ROBO2: variants seen among roughly 807,000 people sequenced by gnomAD.
The protein encoded by ROBO2 is roundabout guidance receptor 2.
A neutral mutation model predicts 160.8 loss-of-function variants in ROBO2; 53 were observed. The ratio of observed to expected loss-of-function variants is 0.33; its 90% CI spans 0.26 to 0.41. ROBO2 has a LOEUF of 0.41. Among genes scored for constraint, ROBO2 ranks in the 10% least tolerant of loss-of-function variants. The pLI is 1.00. For missense variants in ROBO2, 1,577 were observed against 1,722.4 expected, an observed-to-expected ratio of 0.92 and a Z score of 1.49; for synonymous variants, 664 against 611.7, an observed-to-expected ratio of 1.09 and a Z score of -1.26.
intron 2 of ROBO2, among the ~76,000 whole-genome samples, chr3:77,143,174 C>CTTTTTTT (rs10546673): frequency 1.7e-5 from 1 of 59,684 alleles, no homozygotes; most frequent in African/African-American, 6.4e-5. Flanking sequence ...TAAACAGCAG[C>CTTTTTTT]TTTTTTTTTT....
intron 2 of ROBO2, among the ~76,000 whole-genome samples, chr3:76,140,358 C>A (rs142659820): frequency 9.9e-5 from 15 of 151,998 alleles, no homozygotes; most frequent in African/African-American, 3.1e-4. Context: ...ATAAATAAGG[C>A]TTAAGGATAA....
At chr3:77,226,645 C>T (rs991480546) in intron 2 of ROBO2, among the ~76,000 whole-genome samples, 1 of 152,080 alleles carries the variant, frequency 6.6e-6, no homozygotes, top group African/African-American at 2.4e-5. Context: ...TCAAGGTAAG[C>T]TGGAAATATT....
intron 1 of ROBO2, among the ~76,000 whole-genome samples, chr3:77,086,542 G>A (rs920947927): frequency 3.3e-5 from 5 of 152,060 alleles, no homozygotes; most frequent in South Asian, 4.2e-4. Flanking sequence ...TTTTGCATCC[G>A]GTGCCTGCAG....
chr3:76,900,638 C>A (rs1034814774), intron 2 of ROBO2, among the ~76,000 whole-genome samples: 2 of 152,162 alleles, frequency 1.3e-5, no homozygotes, highest in East Asian at 3.9e-4. Context: ...ACCAACGCTG[C>A]TAGACGATAT....
intron 2 of ROBO2, among the ~76,000 whole-genome samples, chr3:76,356,301 GAATAA>G (rs2108335001): frequency 6.6e-6 from 1 of 151,016 alleles, no homozygotes; most frequent in South Asian, 2.1e-4. Flanking sequence ...GGAATCAATA[GAATAA>G]AATAAAGTAA....
intron 2 of ROBO2, among the ~76,000 whole-genome samples, chr3:76,210,238 A>G (rs1044004164): frequency 1.3e-5 from 2 of 152,146 alleles, no homozygotes; most frequent in Non-Finnish European, 2.9e-5. Flanking sequence ...AAATAAAAAA[A>G]CACATATTTC....
At chr3:76,871,737 G>C (rs2072112786) in intron 2 of ROBO2, among the ~76,000 whole-genome samples, 1 of 152,116 alleles carries the variant, frequency 6.6e-6, no homozygotes, top group Non-Finnish European at 1.5e-5. Context: ...CTGGAGATTT[G>C]TGACTGTGAA....
At chr3:76,529,281 C>G (rs759556623) in intron 2 of ROBO2, among the ~76,000 whole-genome samples, 4 of 152,142 alleles carry the variant, frequency 2.6e-5, no homozygotes, top group Non-Finnish European at 5.9e-5. Flanking sequence ...AATGGCAAGT[C>G]TCCTAGAGCT....
At chr3:77,367,622 T>A (rs1045240383) in intron 2 of ROBO2, among the ~76,000 whole-genome samples, 6 of 151,814 alleles carry the variant, frequency 4.0e-5, no homozygotes, top group South Asian at 2.1e-4. Flanking sequence ...AGATGAAGAG[T>A]TCCAACCTTT....
chr3:76,834,106 CTT>C (rs1559575274), intron 2 of ROBO2, among the ~76,000 whole-genome samples: 27 of 124,238 alleles, frequency 2.2e-4, no homozygotes, highest in African/African-American at 7.9e-4. Flanking sequence ...TTCTTTCTTT[CTT>C]TCTTTCTCTC....
intron 2 of ROBO2, among the ~76,000 whole-genome samples, chr3:77,367,253 T>TA (rs2071037673): frequency 6.6e-6 from 1 of 152,116 alleles, no homozygotes. Flanking sequence ...ACATAACTCT[T>TA]ATTGAAATTA....
chr3:76,148,253 T>A (rs902653319), intron 2 of ROBO2, among the ~76,000 whole-genome samples: 4 of 152,020 alleles, frequency 2.6e-5, no homozygotes, highest in Non-Finnish European at 5.9e-5. Context: ...AACTCTCAAC[T>A]ACCTGCCTTT....
At chr3:76,956,411 G>T (rs1271997418) in intron 2 of ROBO2, among the ~76,000 whole-genome samples, 1 of 152,002 alleles carries the variant, frequency 6.6e-6, no homozygotes, top group African/African-American at 2.4e-5. Flanking sequence ...CAAAAAATTA[G>T]CCGGGTGTGG....
At chr3:76,902,534 C>G (rs1393479301) in intron 2 of ROBO2, among the ~76,000 whole-genome samples, 1 of 152,000 alleles carries the variant, frequency 6.6e-6, no homozygotes, top group African/African-American at 2.4e-5. Flanking sequence ...AAAAATATCT[C>G]AAAACATACT....
chr3:76,783,551 C>T (rs1451370814), intron 2 of ROBO2, among the ~76,000 whole-genome samples: 3 of 149,176 alleles, frequency 2.0e-5, no homozygotes, highest in Non-Finnish European at 4.5e-5. Context: ...ATATGTCATC[C>T]AACACTCTCC....
intron 2 of ROBO2, among the ~76,000 whole-genome samples, chr3:76,480,465 G>T (rs547547159): frequency 5.3e-5 from 8 of 152,086 alleles, no homozygotes; most frequent in Non-Finnish European, 1.2e-4. Context: ...CATGGAAGAG[G>T]TTATCTTAGT....
intron 2 of ROBO2, among the ~76,000 whole-genome samples, chr3:76,613,063 ACT>A (rs1470649525): frequency 6.6e-6 from 1 of 151,646 alleles, no homozygotes; most frequent in Admixed American, 6.6e-5. Flanking sequence ...TCATTCAGCC[ACT>A]CTGTGTCTTT....
chr3:76,271,388 T>C (rs1018107936), intron 2 of ROBO2, among the ~76,000 whole-genome samples: 1 of 151,594 alleles, frequency 6.6e-6, no homozygotes, highest in African/African-American at 2.4e-5. Context: ...ACAAAATGAA[T>C]GAAAAAAGAT....
chr3:76,825,603 C>CAAAAAAAA (rs201063990), intron 2 of ROBO2, among the ~76,000 whole-genome samples: 853 of 72,342 alleles, frequency 0.012, 36 homozygotes, highest in Non-Finnish European at 0.014. Context: ...TCATCTTAGC[C>CAAAAAAAA]AAAAAAAAAA....
Sources: gnomAD v4.1 joint callset for allele counts (sites outside exome capture counted in the v4.1 genomes callset) on GRCh38, gnomAD v4.1.1 for gene constraint, MANE v1.5 for transcripts, NCBI Gene and HGNC (gene_info 2026-07-23, HGNC 2026-07-21) for gene names.